CREBRF: variants seen among roughly 807,000 people sequenced by gnomAD.
The protein encoded by CREBRF is UPF0474 protein C5orf41.
A neutral mutation model predicts 66.1 loss-of-function variants in CREBRF; 5 were observed. That is an observed-to-expected ratio of 0.08 (90% confidence interval 0.04 to 0.16). The LOEUF (loss-of-function observed/expected upper bound fraction) is 0.16, where lower values mean the gene tolerates loss of function less well. Among genes scored for constraint, CREBRF ranks in the 10% least tolerant of loss-of-function variants. The pLI, the probability that CREBRF is intolerant of heterozygous loss-of-function variation, is 1.00. For missense variants in CREBRF, 531 were observed against 744.9 expected (o/e 0.71, Z 3.34); for synonymous variants, 229 against 264.4 (o/e 0.87, Z 1.30).
intron 4 of CREBRF, chr5:173,092,000 G>A: frequency 3.6e-6 from 1 of 280,536 alleles, no homozygotes; most frequent in Non-Finnish European, 5.4e-6. Context: ...AGAATCACTT[G>A]AACCCAGGAG....
At chr5:173,060,723 CTT>C (rs756443330) in intron 1 of CREBRF, among the ~76,000 whole-genome samples, 43 of 135,684 alleles carry the variant, frequency 3.2e-4, no homozygotes, top group Admixed American at 3.0e-4. Flanking sequence ...GGTTGACAGA[CTT>C]TTTTTTTTTT....
intron 4 of CREBRF, among the ~76,000 whole-genome samples, chr5:173,102,716 C>T: frequency 6.6e-6 from 1 of 152,058 alleles, no homozygotes; most frequent in Non-Finnish European, 1.5e-5. Flanking sequence ...ATGGGGGTCT[C>T]TTGGGGCAGG....
chr5:173,103,802 A>T (rs1226986450), intron 4 of CREBRF, among the ~76,000 whole-genome samples: 1 of 152,230 alleles, frequency 6.6e-6, no homozygotes, highest in African/African-American at 2.4e-5. Flanking sequence ...TTTTCACTAA[A>T]CATCTTCACA....
chr5:173,091,266 G>A lies in CREBRF; in HGVS notation c.1087G>A (p.Asp363Asn). ...TGAAGAAGATGAGGAGGACGAGGAG[G>A]ATGTTGATGATGAGGACCATGATGA... is the stretch of plus-strand genomic sequence containing the variant. ...SPEEDEEDEE[D>N]VDDEDHDEGF... The change falls in exon 4 of 9, where the codon GAT becomes AAT. Residue 363 changes from aspartate (D) to asparagine (N), a missense_variant. Physicochemically the swap from Asp to Asn is conservative, Grantham distance 23. This residue lies in a region of CREBRF where 309 missense variants were observed against 341.4 expected (regional missense o/e 0.90). Transcript: ENST00000296953. 1.2e-6 allele frequency: 2 copies of A among 1,613,956 alleles called. No homozygotes were observed. The highest frequency in any genetic ancestry group is 1.7e-6 in the Non-Finnish European group (2 of 1,179,902).
intron 1 of CREBRF, among the ~76,000 whole-genome samples, chr5:173,072,293 T>A (rs990742412): frequency 6.6e-6 from 1 of 151,356 alleles, no homozygotes; most frequent in Non-Finnish European, 1.5e-5. Flanking sequence ...TTTTTTTTTT[T>A]AAGACAGTGT....
intron 4 of CREBRF, 192 bp downstream of exon 4, chr5:173,091,593 A>G (rs1026629454): frequency 2.2e-6 from 3 of 1,347,250 alleles, no homozygotes; most frequent in African/African-American, 3.0e-5. Context: ...TTGCTCACAT[A>G]GGGATTCATA....
rs145895042 is a variant in CREBRF, at chr5:173,118,946, G to A, written c.1682-4134G>A. 5.8e-3 allele frequency among the ~76,000 whole-genome samples: 886 copies of A among 151,518 alleles called. 13 individuals are homozygous for A. The highest frequency in any genetic ancestry group is 0.02 in the African/African-American group (824 of 41,304). On this transcript the variant is annotated intron_variant, in intron 7 of 8. Transcript: ENST00000296953. ...AGATGGGGTCTCGCTGTCTTGCCTC[G>A]AACTCCTGGGCTCAAGCGATCATCC... is the stretch of plus-strand genomic sequence containing the variant.
rs13172948 is a variant in CREBRF, at chr5:173,063,711, G to T, written c.-192+7232G>T. ...TAATTTTTAATTTCTTGATTAAAAAGAATTTTTGTTCTTTTTGACTTTTTT... is the reference window on the plus strand; with the variant it reads ...TAATTTTTAATTTCTTGATTAAAAATAATTTTTGTTCTTTTTGACTTTTTT... On this transcript the variant is annotated intron_variant, in intron 1 of 8. Transcript: ENST00000296953. Among the ~76,000 whole-genome samples the T allele has an allele frequency of 7.3e-5, 11 of 150,610 alleles. No homozygotes were observed. The East Asian group carries it at 2.2e-3, about 30-fold the overall frequency.
chr5:173,087,249 A>T (rs900824032), intron 3 of CREBRF, among the ~76,000 whole-genome samples: 2 of 151,570 alleles, frequency 1.3e-5, no homozygotes, highest in Non-Finnish European at 2.9e-5. Flanking sequence ...GCCCAGCCTA[A>T]TTTTTGTATT....
chr5:173,087,470 G>A (rs1758189939), intron 3 of CREBRF, among the ~76,000 whole-genome samples: 1 of 151,972 alleles, frequency 6.6e-6, no homozygotes, highest in South Asian at 2.1e-4. Context: ...GGCCAAGGCG[G>A]GCGGATCATG....
In CREBRF at chr5:173,086,558, T is replaced by G. The variant is rs1758155160; in HGVS notation, c.67T>G (p.Ser23Ala). Residue 23 changes from serine to alanine, a missense_variant, in exon 3 of 9, where the codon TCG becomes GCG. By Grantham distance (99) the Ser-to-Ala change is moderately conservative. Coordinates refer to ENST00000296953, the MANE Select transcript of CREBRF (RefSeq NM_153607.3). Reference protein sequence around the residue: ...FGDAFRSHTFSEQTLMSTDLL... With the variant: ...FGDAFRSHTFAEQTLMSTDLL... The stretch of plus-strand genomic sequence containing the variant: ...GGATGCCTTTCGAAGCCACACCTTT[T>G]CGGAACAAACTCTGATGAGCACAGA... The G allele has an allele frequency of 6.2e-7, 1 of 1,614,156 alleles. No homozygotes were observed. Among genetic ancestry groups the G allele is most frequent in the Non-Finnish European group, 8.5e-7 (1 of 1,180,006 alleles).
At chr5:173,088,986 G>A (rs1758247083) in intron 3 of CREBRF, among the ~76,000 whole-genome samples, 1 of 151,936 alleles carries the variant, frequency 6.6e-6, no homozygotes, top group Admixed American at 6.6e-5. Flanking sequence ...AGACCAGCCT[G>A]ACCAAGATGG....
At chr5:173,120,797 G>T (rs572765109) in intron 7 of CREBRF, among the ~76,000 whole-genome samples, 1 of 134,088 alleles carries the variant, frequency 7.5e-6, no homozygotes, top group Non-Finnish European at 1.5e-5. Flanking sequence ...AGCTTCAAGC[G>T]ATTTTCTTGC....
chr5:173,078,070 A>G (rs1015292231), intron 1 of CREBRF, among the ~76,000 whole-genome samples: 1 of 152,180 alleles, frequency 6.6e-6, no homozygotes, highest in Non-Finnish European at 1.5e-5. Flanking sequence ...TAACTCTTTT[A>G]GGTATATACC....
At chr5:173,117,312 A>G (rs1223582668) in intron 7 of CREBRF, among the ~76,000 whole-genome samples, 1 of 151,030 alleles carries the variant, frequency 6.6e-6, no homozygotes, top group Non-Finnish European at 1.5e-5. Context: ...CCCGGGAGGT[A>G]TGGGTGCAGT....
chr5:173,112,419 G>A, intron 7 of CREBRF, 40 bp downstream of exon 7: 1 of 1,328,996 alleles, frequency 7.5e-7, no homozygotes, highest in Non-Finnish European at 1.1e-6. Flanking sequence ...ACCACCTATT[G>A]ATTTGCTGAC....
intron 1 of CREBRF, among the ~76,000 whole-genome samples, chr5:173,065,167 A>G (rs916694677): frequency 6.6e-6 from 1 of 152,224 alleles, no homozygotes; most frequent in Non-Finnish European, 1.5e-5. Flanking sequence ...AAGGACTGCT[A>G]ACTCTGCCTG....
chr5:173,137,892 T>TATA lies in CREBRF; in HGVS notation c.*4148_*4150dup, dbSNP rs1229438417. On this transcript the variant is annotated 3_prime_UTR_variant, in exon 9 of 9. Coordinates refer to ENST00000296953, the MANE Select transcript of CREBRF (RefSeq NM_153607.3). ...AACAAAAACTTATGTTCCCTTTCTT[T>TATA]ATATAGTTTCCTAAAATTCTGTTCA... is the stretch of plus-strand genomic sequence containing the variant. 6.6e-6 allele frequency: 1 copy of TATA among 152,180 alleles called. No homozygotes were observed. The highest frequency in any genetic ancestry group is 1.5e-5 in the Non-Finnish European group (1 of 67,996). The allele number at this position is 152,180 out of a possible 1,614,324, so 9.4% of individuals were successfully genotyped here. A position where few individuals can be genotyped will look rare whatever the true frequency, so the allele number is the denominator to read the frequency against.
At chr5:173,108,419 T>C (rs1758797172) in intron 4 of CREBRF, among the ~76,000 whole-genome samples, 1 of 152,188 alleles carries the variant, frequency 6.6e-6, no homozygotes, top group Non-Finnish European at 1.5e-5. Context: ...GTTATCTATG[T>C]TTATTAATCT....
Sources: allele counts gnomAD v4.1 joint callset (sites outside exome capture counted in the v4.1 genomes callset), GRCh38; gene constraint gnomAD v4.1.1; regional missense constraint gnomAD v4.1.1; transcripts MANE v1.5; gene names NCBI Gene and HGNC (gene_info 2026-07-23, HGNC 2026-07-21).